The following DLGAP1 variants were observed in gnomAD, a reference collection of about 807,000 sequenced individuals.
DLGAP1 encodes DLG associated protein 1.
DLGAP1 carries 11 observed loss-of-function variants against 90.8 expected under a neutral mutation model. The ratio of observed to expected loss-of-function variants is 0.12; its 90% CI spans 0.08 to 0.20. The LOEUF (loss-of-function observed/expected upper bound fraction) is 0.20. Among genes scored for constraint, DLGAP1 ranks in the 10% least tolerant of loss-of-function variants. The pLI, the probability that DLGAP1 is intolerant of heterozygous loss-of-function variation, is 1.00. For synonymous variants in DLGAP1, 558 were observed against 540.7 expected (o/e 1.03, Z -0.44); for missense variants, 1,050 against 1,333.8 (o/e 0.79, Z 3.31).
intron 2 of DLGAP1, among the ~76,000 whole-genome samples, chr18:4,058,321 C>A (rs1340615831): frequency 6.6e-6 from 1 of 152,162 alleles, no homozygotes; most frequent in Non-Finnish European, 1.5e-5. Context: ...TGTGTAGCAG[C>A]AAAGAAATAG....
intron 7 of DLGAP1, chr18:3,606,473 T>C (rs1272538521): frequency 1.3e-5 from 2 of 152,202 alleles, no homozygotes; most frequent in African/African-American, 4.8e-5. Flanking sequence ...AATTGTAATA[T>C]GTTGTACTTC....
In DLGAP1 at chr18:3,542,215, A is replaced by C. The variant is rs141111139; in HGVS notation, c.2058-7600T>G. On this transcript the variant is annotated intron_variant, in intron 9 of 12. Coordinates refer to ENST00000315677, the MANE Select transcript of DLGAP1 (RefSeq NM_004746.4). ...GCAGAAACTTTTATGCAAATCATCA[A>C]AATACGCATCTGCTCCCATTTCCAC... Among the ~76,000 whole-genome samples the C allele has an allele frequency of 2.2e-4, 33 of 152,350 alleles. No homozygotes were observed. The East Asian group carries it at 6.4e-3, about 29-fold the overall frequency.
At chr18:3,505,846 C>T (rs181115184) in intron 11 of DLGAP1, among the ~76,000 whole-genome samples, 121 of 152,208 alleles carry the variant, frequency 7.9e-4, no homozygotes, top group African/African-American at 2.7e-3. Context: ...GCACATTTTA[C>T]CACCTATGCC....
rs184668619 is a variant in DLGAP1, at chr18:3,720,019, C to T, written c.1591+9116G>A. ...TATCCAGAAATTCAGGATGAACTTC[C>T]GTCTTGATTAGATCTGATACTTCTT... On this transcript the variant is annotated intron_variant, in intron 7 of 12. Transcript: ENST00000315677. Among the ~76,000 whole-genome samples the T allele has an allele frequency of 7.7e-4, 117 of 152,278 alleles. 1 individual carries two copies. The highest frequency in any genetic ancestry group is 1.3e-3 in the Non-Finnish European group (89 of 68,022).
In DLGAP1 at chr18:3,818,745, G is replaced by A. The variant is rs140249159; in HGVS notation, c.958-4472C>T. ...CTAGTAGATGGGACTACAGATGCCC[G>A]CCACCATGCCTGGCTAATTTTTGTA... On this transcript the variant is annotated intron_variant, in intron 4 of 12. Coordinates refer to ENST00000315677, the MANE Select transcript of DLGAP1 (RefSeq NM_004746.4). Among the ~76,000 whole-genome samples the A allele has an allele frequency of 9.1e-3, 1,373 of 151,526 alleles. 10 individuals are homozygous for A. Among genetic ancestry groups the A allele is most frequent in the African/African-American group, 0.019 (789 of 41,340 alleles).
chr18:4,450,921 C>G (rs1375188173), intron 1 of DLGAP1, among the ~76,000 whole-genome samples: 1 of 152,224 alleles, frequency 6.6e-6, no homozygotes, highest in Non-Finnish European at 1.5e-5. Context: ...CCCAGCTATG[C>G]TGGTTGTCTA....
intron 4 of DLGAP1, among the ~76,000 whole-genome samples, chr18:3,861,996 C>T (rs143361925): frequency 4.6e-5 from 7 of 152,296 alleles, no homozygotes; most frequent in East Asian, 1.9e-4. Context: ...TGAAGCCAGA[C>T]GTTGACACTT....
chr18:3,859,843 G>A (rs1216252991), intron 4 of DLGAP1, among the ~76,000 whole-genome samples: 1 of 152,130 alleles, frequency 6.6e-6, no homozygotes, highest in African/African-American at 2.4e-5. Context: ...GCTCACGCCT[G>A]TAATCCCAGC....
chr18:4,205,916 G>A (rs964871464), intron 1 of DLGAP1, among the ~76,000 whole-genome samples: 1 of 152,190 alleles, frequency 6.6e-6, no homozygotes, highest in African/African-American at 2.4e-5. Context: ...TGTGAAGGAT[G>A]GGCGTGGGGG....
intron 7 of DLGAP1, among the ~76,000 whole-genome samples, chr18:3,587,858 A>G (rs2055984698): frequency 6.6e-6 from 1 of 152,210 alleles, no homozygotes; most frequent in South Asian, 2.1e-4. Flanking sequence ...AAGACCAGGA[A>G]CCCACAAGAA....
chr18:4,043,267 C>T (rs886134684), intron 2 of DLGAP1, among the ~76,000 whole-genome samples: 6 of 152,114 alleles, frequency 3.9e-5, no homozygotes, highest in African/African-American at 1.4e-4. Context: ...TCTGGCTGGA[C>T]CTTATGCAAA....
chr18:4,439,816 A>T (rs902269006), intron 1 of DLGAP1, among the ~76,000 whole-genome samples: 8 of 151,654 alleles, frequency 5.3e-5, no homozygotes, highest in Admixed American at 1.3e-4. Flanking sequence ...TCTGTAAAAA[A>T]TTTTAAAAAA....
chr18:4,177,679 C>T (rs1201481436), intron 1 of DLGAP1, among the ~76,000 whole-genome samples: 1 of 152,114 alleles, frequency 6.6e-6, no homozygotes, highest in African/African-American at 2.4e-5. Flanking sequence ...TATGTATACT[C>T]CATGTGTTGC....
intron 3 of DLGAP1, among the ~76,000 whole-genome samples, chr18:3,929,408 GTC>G (rs1356956833): frequency 1.3e-5 from 2 of 152,216 alleles, no homozygotes; most frequent in African/African-American, 4.8e-5. Context: ...TTAGGTCACT[GTC>G]TCTGTAGCAA....
intron 2 of DLGAP1, among the ~76,000 whole-genome samples, chr18:4,019,216 G>A (rs567381889): frequency 2.0e-5 from 3 of 152,120 alleles, no homozygotes; most frequent in Admixed American, 6.5e-5. Context: ...ACATTTTCCC[G>A]ACATTATGCA....
At chr18:3,937,217 G>A (rs1011295194) in intron 3 of DLGAP1, among the ~76,000 whole-genome samples, 3 of 152,286 alleles carry the variant, frequency 2.0e-5, no homozygotes, top group African/African-American at 7.2e-5. Context: ...ACGTGTATTA[G>A]TCTGTTCTCA....
chr18:4,137,809 T>G (rs531336338), intron 2 of DLGAP1, among the ~76,000 whole-genome samples: 47 of 152,248 alleles, frequency 3.1e-4, no homozygotes, highest in African/African-American at 1.1e-3. Flanking sequence ...CTTTCATCAG[T>G]GTTTTATAGG....
chr18:3,642,015 G>T (rs1385938227), intron 7 of DLGAP1, among the ~76,000 whole-genome samples: 2 of 152,160 alleles, frequency 1.3e-5, no homozygotes, highest in East Asian at 3.8e-4. Context: ...TAACACCTGG[G>T]TCCCCTTCTT....
At chr18:3,898,012 T>C (rs1297008781) in intron 3 of DLGAP1, among the ~76,000 whole-genome samples, 3 of 151,960 alleles carry the variant, frequency 2.0e-5, no homozygotes, top group Non-Finnish European at 4.4e-5. Flanking sequence ...GCCAGGATGG[T>C]CTCGATCTCC....
Sources: allele counts gnomAD v4.1 joint callset (sites outside exome capture counted in the v4.1 genomes callset), GRCh38; gene constraint gnomAD v4.1.1; transcripts MANE v1.5; gene names NCBI Gene and HGNC (gene_info 2026-07-23, HGNC 2026-07-21).